AHDC1: variants seen among roughly 807,000 people sequenced by gnomAD.
AHDC1 encodes the protein AT-hook DNA binding motif containing 1.
Under a neutral mutation model 87.9 loss-of-function variants are expected in AHDC1, and 7 were observed. That is an observed-to-expected ratio of 0.08 (90% CI 0.05 to 0.15). The LOEUF (loss-of-function observed/expected upper bound fraction) is 0.15. AHDC1 is among the 10% of genes least tolerant of loss of function. AHDC1 has a pLI of 1.00. For missense variants in AHDC1, 1,841 were observed against 2,253.2 expected (o/e 0.82, Z 3.70); for synonymous variants, 1,051 against 1,006.8 (o/e 1.04, Z -0.83).
chr1:27,587,127 G>A (rs1001312828), intron 3 of AHDC1, among the ~76,000 whole-genome samples: 2 of 152,210 alleles, frequency 1.3e-5, no homozygotes, highest in South Asian at 2.1e-4. Flanking sequence ...CCCCTAGGAC[G>A]TGATGCCAGA....
Position 27,602,985 on chromosome 1 carries a change from T to C in AHDC1, c.-629+412A>G, listed in dbSNP as rs1305996480. On this transcript the variant is annotated intron_variant, in intron 3 of 8. Transcript: ENST00000673934. ...CTCCGCTCCCACGGTCCCCCCTTCA[T>C]TCCCCCCCCCCCCACATTCTCAGCA... Among the ~76,000 whole-genome samples the C allele has an allele frequency of 9.5e-5, 8 of 84,210 alleles. 1 individual carries two copies. The highest frequency in any genetic ancestry group is 3.0e-4 in the African/African-American group (5 of 16,828). The allele number at this position is 84,210 out of a possible 152,430, so 55.2% of individuals were successfully genotyped here. A position where few individuals can be genotyped will look rare whatever the true frequency, so the allele number is the denominator to read the frequency against.
chr1:27,598,483 C>G lies in AHDC1; in HGVS notation c.-629+4914G>C, dbSNP rs147481254. Reference sequence around the variant, plus strand: ...GGGCCAGGAGAGGCCAGGCCTTGGGCGAAGGAGGGGCTGGGAGCCAGGGCT... The same window carrying G: ...GGGCCAGGAGAGGCCAGGCCTTGGGGGAAGGAGGGGCTGGGAGCCAGGGCT... On this transcript the variant is annotated intron_variant, in intron 3 of 8. Transcript: ENST00000673934. The surrounding 1 kb of genome is among the most constrained non-coding windows in gnomAD (Gnocchi z 4.2). Among the ~76,000 whole-genome samples, 1 of 152,120 alleles carries G rather than the reference C, an allele frequency of 6.6e-6. No homozygotes were observed. The highest frequency in any genetic ancestry group is 1.5e-5 in the Non-Finnish European group (1 of 67,992).
rs1571236687 is a variant in AHDC1, at chr1:27,549,972, G to A, written c.2144C>T (p.Pro715Leu). ...TGGGTGCCCCAACTCAGTAAGGCCC[G>A]GGCCCCCGACCCCAGCGGCTGCCAC... ...VAVAAAGVGG[P>L]GLTELGHPRK... Residue 715 changes from proline (P) to leucine (L), a missense_variant, in exon 8 of 9, where the codon CCG becomes CTG. Coordinates refer to ENST00000673934, the MANE Select transcript of AHDC1 (RefSeq NM_001371928.1). 1.2e-5 allele frequency: 20 copies of A among 1,607,866 alleles called. 1 individual carries two copies. In the East Asian group the frequency reaches 4.2e-4, roughly 34 times the overall value.
Position 27,550,826 on chromosome 1 carries a change from T to A in AHDC1, c.1290A>T (p.Pro430=), listed in dbSNP as rs983365607. 7 of 1,564,438 alleles carry A rather than the reference T, an allele frequency of 4.5e-6. No homozygotes were observed. The highest frequency in any genetic ancestry group is 6.1e-6 in the Non-Finnish European group (7 of 1,157,002). The change falls in exon 8 of 9, where the codon CCA becomes CCT. Residue 430 remains proline (P), a synonymous_variant. Transcript: ENST00000673934. ...CAGGGGGTGGAGGAGGCGGTGGTGGTGGGGGTTCGGCCAGGGCAGCCACCA... is the reference window on the plus strand; with the variant it reads ...CAGGGGGTGGAGGAGGCGGTGGTGGAGGGGGTTCGGCCAGGGCAGCCACCA... ...TGLVAALAEP[P]PPPPPPPPAL...
chr1:27,549,408 C>G lies in AHDC1; in HGVS notation c.2708G>C (p.Ser903Thr). Residue 903 changes from serine (S) to threonine (T), a missense_variant, in exon 8 of 9, where the codon AGC becomes ACC. Physicochemically the swap from Ser to Thr is moderately conservative, Grantham distance 58. Around this residue, in one of 13 missense-constraint regions of AHDC1, gnomAD observed 378 missense variants for 399.0 expected, o/e 0.95. Coordinates refer to ENST00000673934, the MANE Select transcript of AHDC1 (RefSeq NM_001371928.1). ...AAAGGAGGGGTCCGCCCCAGCCCCGCTGCTACCCACTGCCACTGGGCTGGC... is the reference window on the plus strand; with the variant it reads ...AAAGGAGGGGTCCGCCCCAGCCCCGGTGCTACCCACTGCCACTGGGCTGGC... ...AKASPVAVGS[S>T]GAGADPSFQP... 2 of 1,612,914 alleles carry G rather than the reference C, an allele frequency of 1.2e-6. No homozygotes were observed. Among genetic ancestry groups the G allele is most frequent in the Non-Finnish European group, 1.7e-6 (2 of 1,179,846 alleles).
At position 27,552,879 on chromosome 1, in the gene AHDC1, C is replaced by T. The variant is rs1379384321; in HGVS notation, c.-75+13G>A. On this transcript the variant is annotated intron_variant, in intron 7 of 8. Transcript: ENST00000673934. ...TACCCCGAAAGGGCTCCAGGAGAAC[C>T]CCCACCACTCACCCTCGGCTCTGCC... The T allele has an allele frequency of 6.5e-6, 1 of 152,730 alleles. No homozygotes were observed. The highest frequency in any genetic ancestry group is 1.5e-5 in the Non-Finnish European group (1 of 68,090). 9.5% of individuals were successfully genotyped at this position (152,730 alleles called of 1,614,324 possible). A position where few individuals can be genotyped will look rare whatever the true frequency, so the allele number is the denominator to read the frequency against.
chr1:27,542,812 A>C (rs2018989893), intron 8 of AHDC1, among the ~76,000 whole-genome samples: 1 of 152,204 alleles, frequency 6.6e-6, no homozygotes, highest in Non-Finnish European at 1.5e-5. Flanking sequence ...TGGAGAGATT[A>C]CATTTTCAGG....
At chr1:27,555,119 C>T (rs1191682922) in intron 5 of AHDC1, among the ~76,000 whole-genome samples, 1 of 152,208 alleles carries the variant, frequency 6.6e-6, no homozygotes, top group Non-Finnish European at 1.5e-5. Context: ...CTGGGAGGAA[C>T]CTTAAAATTA....
intron 5 of AHDC1, among the ~76,000 whole-genome samples, chr1:27,556,544 C>T (rs1437156761): frequency 6.6e-6 from 1 of 152,026 alleles, no homozygotes; most frequent in Non-Finnish European, 1.5e-5. Flanking sequence ...CACAGTAACA[C>T]CTGAATATCT....
In AHDC1 at chr1:27,565,018, C is replaced by T. The variant is rs2020258042; in HGVS notation, c.-628-6135G>A. The stretch of plus-strand genomic sequence containing the variant: ...CCTCAGAGCAGAGTCCCCCTAGCCC[C>T]TGGGGGTGGCTGGAGCTGGGGGGCC... On this transcript the variant is annotated intron_variant, in intron 3 of 8. Coordinates refer to ENST00000673934, the MANE Select transcript of AHDC1 (RefSeq NM_001371928.1). The surrounding 1 kb of genome is among the most constrained non-coding windows in gnomAD (Gnocchi z 4.6). 6.6e-6 allele frequency among the ~76,000 whole-genome samples: 1 copy of T among 152,204 alleles called. No homozygotes were observed. The highest frequency in any genetic ancestry group is 2.4e-5 in the African/African-American group (1 of 41,466).
At chr1:27,580,368 A>G (rs2088870626) in intron 3 of AHDC1, among the ~76,000 whole-genome samples, 1 of 151,852 alleles carries the variant, frequency 6.6e-6, no homozygotes, top group Admixed American at 6.6e-5. Context: ...CCAGCCCCTT[A>G]CCTCCAACTA....
At chr1:27,575,806 G>A (rs1337064020) in intron 3 of AHDC1, among the ~76,000 whole-genome samples, 1 of 151,728 alleles carries the variant, frequency 6.6e-6, no homozygotes, top group Non-Finnish European at 1.5e-5. Flanking sequence ...TATTTTGAGC[G>A]GGAGGGGAGC....
chr1:27,555,394 C>T (rs1305622757), intron 5 of AHDC1, among the ~76,000 whole-genome samples: 3 of 152,214 alleles, frequency 2.0e-5, no homozygotes, highest in Admixed American at 6.5e-5. Context: ...TTTGGTTGCC[C>T]ACCCAGGTGG....
chr1:27,555,313 A>G (rs1170116170), intron 5 of AHDC1, among the ~76,000 whole-genome samples: 1 of 152,162 alleles, frequency 6.6e-6, no homozygotes, highest in Admixed American at 6.5e-5. Flanking sequence ...CATTTTACAG[A>G]TGAGGAAACT....
At chr1:27,567,708 AC>A (rs2148378888) in intron 3 of AHDC1, among the ~76,000 whole-genome samples, 1 of 151,878 alleles carries the variant, frequency 6.6e-6, no homozygotes, top group South Asian at 2.1e-4. Context: ...CAACACAAGC[AC>A]CCCCAAATCA....
At chr1:27,545,798 C>T (rs1233945548) in intron 8 of AHDC1, among the ~76,000 whole-genome samples, 1 of 151,580 alleles carries the variant, frequency 6.6e-6, no homozygotes, top group African/African-American at 2.4e-5. Flanking sequence ...GCTGCGAGAG[C>T]CTAAGGGATT....
chr1:27,597,504 T>C (rs1340393065), intron 3 of AHDC1, among the ~76,000 whole-genome samples: 2 of 152,132 alleles, frequency 1.3e-5, no homozygotes, highest in Non-Finnish European at 2.9e-5. Context: ...GGTGCACATG[T>C]GCATCTGGTG....
chr1:27,541,530 GCTGGTCTCAAA>G (rs1341881656), intron 8 of AHDC1, among the ~76,000 whole-genome samples: 3 of 151,880 alleles, frequency 2.0e-5, no homozygotes, highest in Non-Finnish European at 4.4e-5. Flanking sequence ...TGTTGGCCAG[GCTGGTCTCAAA>G]CTCCTGGCCT....
rs1004667038 is a variant in AHDC1 at position 27,563,451 on chromosome 1, C to A, written c.-628-4568G>T. ...ACAGCATGAGGCAGGGACATAACCT[C>A]GCCCCTGCCTGGGAATCCTCCCTGC... On this transcript the variant is annotated intron_variant, in intron 3 of 8. Coordinates refer to ENST00000673934, the MANE Select transcript of AHDC1 (RefSeq NM_001371928.1). This position sits in a 1 kb window ranked among gnomAD's most constrained non-coding sequence, Gnocchi z 6.1. Among the ~76,000 whole-genome samples, 7 of 152,334 alleles carry A rather than the reference C, an allele frequency of 4.6e-5. No homozygotes were observed. Among genetic ancestry groups the A allele is most frequent in the African/African-American group, 1.7e-4 (7 of 41,578 alleles).
Sources: allele counts gnomAD v4.1 joint callset (sites outside exome capture counted in the v4.1 genomes callset), GRCh38; gene constraint gnomAD v4.1.1; regional missense constraint gnomAD v4.1.1; non-coding constraint Gnocchi (gnomAD v3.1); transcripts MANE v1.5; gene names NCBI Gene and HGNC (gene_info 2026-07-23, HGNC 2026-07-21).